LIPA: variants seen among roughly 807,000 people sequenced by gnomAD.
LIPA encodes the protein lipase A, lysosomal acid type.
LIPA carries 26 observed loss-of-function variants against 40.6 expected under a neutral mutation model. The ratio of observed to expected loss-of-function variants is 0.64; its 90% CI spans 0.47 to 0.89. LIPA has a LOEUF of 0.89. LIPA is among the 40% of genes least tolerant of loss of function. LIPA has a pLI of 0.00. For missense variants in LIPA, 455 were observed against 479.6 expected (o/e 0.95, Z 0.48); for synonymous variants, 188 against 168.4 (o/e 1.12, Z -0.90).
At chr10:89,371,658 T>G (rs1320792574) in intron 2 of LIPA, among the ~76,000 whole-genome samples, 1 of 152,204 alleles carries the variant, frequency 6.6e-6, no homozygotes, top group African/African-American at 2.4e-5. Flanking sequence ...GCTGAACGTT[T>G]GAACTGATGA....
rs60310878 is a variant in LIPA at position 89,316,027 on chromosome 10, T to C, written c.-2+26584A>G. ...TTTTTACAAAACATTTTGGAAGTCT[T>C]TCATATAACCGGCTCCCAGAAACCC... On this transcript the variant is annotated intron_variant, in intron 1 of 5. Transcript: ENST00000282673. 8.5e-3 allele frequency among the ~76,000 whole-genome samples: 1,297 copies of C among 152,290 alleles called. 17 individuals are homozygous for C. The highest frequency in any genetic ancestry group is 0.029 in the African/African-American group (1,202 of 41,550).
chr10:89,247,869 TATTTATTTATTTATGTTG>T (rs2133468750), intron 1 of LIPA: 1 of 176,654 alleles, frequency 5.7e-6, no homozygotes, highest in East Asian at 1.5e-4. Flanking sequence ...TTTATTTATT[TATTTATTTATTTATGTTG>T]AGATGGAGTC....
Position 89,383,331 on chromosome 10 carries a change from T to G in LIPA, c.61+29460A>C, listed in dbSNP as rs563693998. ...CCTATTTTTACAGTGAAGAATCTGA[T>G]GGAAAGCTTATTGAAGACAGCCTGA... On this transcript the variant is annotated intron_variant, in intron 2 of 8. Transcript: ENST00000371837. 44 of 1,611,928 alleles carry G rather than the reference T, an allele frequency of 2.7e-5. 2 individuals are homozygous for G. In the Middle Eastern group the frequency reaches 8.3e-4, roughly 30 times the overall value.
chr10:89,260,824 C>G (rs555929548), intron 1 of LIPA, among the ~76,000 whole-genome samples: 2 of 152,272 alleles, frequency 1.3e-5, no homozygotes, highest in African/African-American at 4.8e-5. Context: ...CGGTTGGAAG[C>G]GCTGATAAAA....
chr10:89,252,879 A>C (rs567118386), upstream of LIPA, among the ~76,000 whole-genome samples: 1 of 152,056 alleles, frequency 6.6e-6, no homozygotes, highest in South Asian at 2.1e-4. Context: ...TTATGAAGTG[A>C]CACCTGAGCA....
chr10:89,333,299 T>C (rs1018693501), intron 1 of LIPA, among the ~76,000 whole-genome samples: 2 of 152,196 alleles, frequency 1.3e-5, no homozygotes, highest in African/African-American at 4.8e-5. Context: ...TGCAAATTTC[T>C]AGGTCCTGCA....
At chr10:89,278,804 T>C (rs1009473375) in intron 1 of LIPA, among the ~76,000 whole-genome samples, 3 of 151,608 alleles carry the variant, frequency 2.0e-5, no homozygotes, top group Non-Finnish European at 2.9e-5. Flanking sequence ...GTTATAGTAA[T>C]ATTATTTACA....
At chr10:89,332,813 A>G (rs1843670004) in intron 1 of LIPA, among the ~76,000 whole-genome samples, 1 of 152,178 alleles carries the variant, frequency 6.6e-6, no homozygotes, top group Non-Finnish European at 1.5e-5. Context: ...AGGCAGCCAA[A>G]GGACACAGGG....
intron 2 of LIPA, chr10:89,392,700 A>C (rs1296737807): frequency 6.2e-7 from 1 of 1,614,112 alleles, no homozygotes; most frequent in Non-Finnish European, 8.5e-7. Flanking sequence ...CGGCTGCCTA[A>C]TTTACAGCAA....
upstream of LIPA, among the ~76,000 whole-genome samples, chr10:89,347,059 AT>A: frequency 2.0e-5 from 3 of 152,222 alleles, no homozygotes; most frequent in African/African-American, 7.2e-5. Context: ...AGATTTGATG[AT>A]TCACTGGAAA....
chr10:89,226,955 G>A lies in LIPA; in HGVS notation c.478C>T (p.Leu160=). 6.2e-7 allele frequency: 1 copy of A among 1,613,544 alleles called. No individual in the cohort carries two copies. The highest frequency in any genetic ancestry group is 8.5e-7 in the Non-Finnish European group (1 of 1,179,602). ...ACTTGTTCTTGGCCAGTTTTATTCA[G>A]AATGAAGTTAATGGAAGCTGGTAGG... ...YDLPASINFI[L]NKTGQEQVYY... is the part of the protein sequence containing the mutation. The change falls in exon 5 of 10, where the codon CTG becomes TTG. Residue 160 remains leucine (L), a synonymous_variant. Transcript: ENST00000336233.
At chr10:89,393,293 G>A in intron 2 of LIPA, 1 of 1,289,506 alleles carries the variant, frequency 7.8e-7, no homozygotes, top group African/African-American at 1.5e-5. Context: ...CAATCAGGCT[G>A]AGCTTAAGAT....
chr10:89,376,875 T>C (rs1273181723), intron 2 of LIPA, among the ~76,000 whole-genome samples: 4 of 152,204 alleles, frequency 2.6e-5, no homozygotes, highest in Non-Finnish European at 5.9e-5. Flanking sequence ...AAATATAGTC[T>C]AGTTACAGGC....
At chr10:89,410,811 T>C (rs1487107025) in intron 2 of LIPA, among the ~76,000 whole-genome samples, 1 of 152,080 alleles carries the variant, frequency 6.6e-6, no homozygotes, top group Non-Finnish European at 1.5e-5. Flanking sequence ...CTTACACTGC[T>C]GAAGCCATCA....
chr10:89,359,195 A>T (rs916270173), intron 2 of LIPA, among the ~76,000 whole-genome samples: 1 of 152,188 alleles, frequency 6.6e-6, no homozygotes, highest in African/African-American at 2.4e-5. Context: ...AGTCCAACTT[A>T]ATCTGGAAAG....
intron 1 of LIPA, chr10:89,307,296 A>C: frequency 6.2e-7 from 1 of 1,613,972 alleles, no homozygotes; most frequent in Non-Finnish European, 8.5e-7. Context: ...GAAAAAATGC[A>C]ACAAGCAGAT....
At chr10:89,267,401 C>G (rs1843241903) in intron 1 of LIPA, among the ~76,000 whole-genome samples, 1 of 152,136 alleles carries the variant, frequency 6.6e-6, no homozygotes, top group Non-Finnish European at 1.5e-5. Context: ...TAGACTGACA[C>G]AGCCTGCTCC....
chr10:89,228,099 AC>A lies in LIPA; in HGVS notation c.428+100del. 3 of 988,854 alleles carry A rather than the reference AC, an allele frequency of 3.0e-6. No individual in the cohort carries two copies. In the South Asian group the frequency reaches 3.9e-5, roughly 13 times the overall value. 61.3% of individuals were successfully genotyped at this position (988,854 alleles called of 1,614,324 possible). A position where few individuals can be genotyped will look rare whatever the true frequency, so the allele number is the denominator to read the frequency against. ...AGACACTAACTTCCCCTCTCATACAACTTCAGAGTTACCACCTATCTACCTC... is the reference window on the plus strand; with the variant it reads ...AGACACTAACTTCCCCTCTCATACAATTCAGAGTTACCACCTATCTACCTC... On this transcript the variant is annotated intron_variant, in intron 4 of 9. Coordinates refer to ENST00000336233, the MANE Select transcript of LIPA (RefSeq NM_000235.4).
Position 89,334,038 on chromosome 10 carries a change from A to C in LIPA, c.-2+8573T>G, listed in dbSNP as rs140278609. On this transcript the variant is annotated intron_variant, in intron 1 of 5. Coordinates refer to the LIPA transcript ENST00000282673. The stretch of plus-strand genomic sequence containing the variant: ...CCAGTTCCTTCACGTAGTCAGTTGG[A>C]GCATAACCAGCACATGCTGGGGACA... Among the ~76,000 whole-genome samples, 262 of 152,312 alleles carry C rather than the reference A, an allele frequency of 1.7e-3. 5 individuals are homozygous for C. The East Asian group carries it at 0.043, about 25-fold the overall frequency.
Sources: allele counts gnomAD v4.1 joint callset (sites outside exome capture counted in the v4.1 genomes callset), GRCh38; gene constraint gnomAD v4.1.1; transcripts MANE v1.5; gene names NCBI Gene and HGNC (gene_info 2026-07-23, HGNC 2026-07-21).